Variants in TXNL4A observed in about 807,000 individuals in gnomAD.
TXNL4A encodes thioredoxin-like protein 4A.
TXNL4A carries 17 observed loss-of-function variants against 14.6 expected under a neutral mutation model. The ratio of observed to expected loss-of-function variants is 1.16; its 90% CI spans 0.80 to 1.74. TXNL4A has a LOEUF of 1.74. TXNL4A is among the 40% of genes most tolerant of loss of function. TXNL4A has a pLI of 0.00. For missense variants in TXNL4A, 74 were observed against 195.2 expected (o/e 0.38, Z 3.70); for synonymous variants, 83 against 70.6 (o/e 1.18, Z -0.88).
At chr18:80,009,765 C>T (rs1211292888) in intron 1 of TXNL4A, among the ~76,000 whole-genome samples, 4 of 152,194 alleles carry the variant, frequency 2.6e-5, no homozygotes, top group African/African-American at 9.6e-5. Flanking sequence ...TTTCTTCTCC[C>T]TTGATTCTTC....
chr18:79,988,651 G>A, upstream of TXNL4A: 1 of 318,314 alleles, frequency 3.1e-6, no homozygotes, highest in Non-Finnish European at 5.7e-6. Context: ...TATAGGCGCC[G>A]CGCGAACGTG....
At chr18:80,026,808 C>T (rs371015870) in intron 1 of TXNL4A, among the ~76,000 whole-genome samples, 216 of 152,244 alleles carry the variant, frequency 1.4e-3, no homozygotes, top group African/African-American at 5.1e-3. Context: ...ATCCATAATG[C>T]CGACATATCT....
intron 1 of TXNL4A, among the ~76,000 whole-genome samples, chr18:80,010,163 C>T (rs1346466074): frequency 6.6e-6 from 1 of 152,140 alleles, no homozygotes; most frequent in African/African-American, 2.4e-5. Flanking sequence ...GGAGTACAGA[C>T]ACAAAGGTGA....
In TXNL4A at chr18:79,982,693, G is replaced by A. The variant is rs1166478558; in HGVS notation, c.154-4992C>T. On this transcript the variant is annotated intron_variant, in intron 1 of 2. Transcript: ENST00000269601. This position sits in a 1 kb window ranked among gnomAD's most constrained non-coding sequence, Gnocchi z 4.0. ...CTGAGGAACAGAGGACTTCAGTGTGGACAACTTTCAAAAGCCGTGGCTATG... is the reference window on the plus strand; with the variant it reads ...CTGAGGAACAGAGGACTTCAGTGTGAACAACTTTCAAAAGCCGTGGCTATG... 1.3e-5 allele frequency among the ~76,000 whole-genome samples: 2 copies of A among 152,222 alleles called. No individual in the cohort carries two copies. The highest frequency in any genetic ancestry group is 2.9e-5 in the Non-Finnish European group (2 of 68,040).
Position 79,973,906 on chromosome 18 carries a change from A to G in TXNL4A, c.258-50T>C, listed in dbSNP as rs752489218. On this transcript the variant is annotated intron_variant, in intron 2 of 2. Coordinates refer to ENST00000269601, the MANE Select transcript of TXNL4A (RefSeq NM_006701.5). ...ATTCTCATAGAAGTCTCTTTAAAAA[A>G]GAATTCCTTGAAAACAATGCCGTAT... 17 of 1,592,162 alleles carry G rather than the reference A, an allele frequency of 1.1e-5. No individual in the cohort carries two copies. The East Asian group carries it at 3.8e-4, about 36-fold the overall frequency.
upstream of TXNL4A, among the ~76,000 whole-genome samples, chr18:79,990,886 C>T (rs1009322098): frequency 1.4e-5 from 2 of 142,172 alleles, 1 homozygote; most frequent in South Asian, 4.4e-4. Flanking sequence ...GGGCGGATCA[C>T]GAGGTCAGGA....
chr18:80,026,559 T>G (rs1264006765), intron 1 of TXNL4A, among the ~76,000 whole-genome samples: 1 of 152,230 alleles, frequency 6.6e-6, no homozygotes, highest in Admixed American at 6.5e-5. Context: ...GGCATGACTG[T>G]ATCTCTGACA....
At chr18:80,019,157 G>A (rs919239520) in intron 1 of TXNL4A, among the ~76,000 whole-genome samples, 1 of 152,088 alleles carries the variant, frequency 6.6e-6, no homozygotes, top group Non-Finnish European at 1.5e-5. Context: ...AGCAACACCC[G>A]ACTCTACTGG....
intron 1 of TXNL4A, among the ~76,000 whole-genome samples, chr18:80,007,265 C>T (rs541044172): frequency 3.3e-5 from 5 of 152,288 alleles, no homozygotes; most frequent in Non-Finnish European, 5.9e-5. Context: ...CTGGGAGCAT[C>T]GGCAAGCTAC....
intron 1 of TXNL4A, among the ~76,000 whole-genome samples, chr18:79,994,015 C>G (rs944514217): frequency 6.6e-6 from 1 of 152,162 alleles, no homozygotes; most frequent in Non-Finnish European, 1.5e-5. Context: ...CACACACATC[C>G]CAACTTGGTT....
chr18:79,992,652 A>T (rs1260327550), upstream of TXNL4A, among the ~76,000 whole-genome samples: 2 of 152,276 alleles, frequency 1.3e-5, no homozygotes, highest in South Asian at 4.1e-4. Context: ...TTTGCCCACA[A>T]GGAAATTCCT....
intron 1 of TXNL4A, among the ~76,000 whole-genome samples, chr18:79,996,939 T>G (rs1042193983): frequency 9.2e-5 from 14 of 152,020 alleles, no homozygotes; most frequent in African/African-American, 2.4e-4. Context: ...GGAGACTCCA[T>G]CTCACAAAGA....
chr18:79,986,499 T>C (rs2051550570), intron 1 of TXNL4A: 2 of 865,748 alleles, frequency 2.3e-6, no homozygotes, highest in Non-Finnish European at 2.8e-6. Flanking sequence ...GTGTCCACTA[T>C]GTGTGTCCAC....
At chr18:80,030,831 G>T (rs1463533218) in intron 1 of TXNL4A, among the ~76,000 whole-genome samples, 1 of 152,166 alleles carries the variant, frequency 6.6e-6, no homozygotes, top group African/African-American at 2.4e-5. Context: ...GCCAGGTGTG[G>T]TGGTGCATGC....
intron 1 of TXNL4A, among the ~76,000 whole-genome samples, chr18:80,024,329 TC>T: frequency 6.6e-6 from 1 of 152,326 alleles, no homozygotes; most frequent in African/African-American, 2.4e-5. Context: ...TGGAATTCTG[TC>T]TTGCAAATTC....
Position 79,984,632 on chromosome 18 carries a change from T to C in TXNL4A, c.153+3608A>G, listed in dbSNP as rs188372773. ...CTGAGGAATTTTTTTGTTTTGTTTT[T>C]AGAGATGGGGTCTCGCTCTATCACC... On this transcript the variant is annotated intron_variant, in intron 1 of 2. Transcript: ENST00000269601. Among the ~76,000 whole-genome samples, 17 of 152,324 alleles carry C rather than the reference T, an allele frequency of 1.1e-4. No individual in the cohort carries two copies. The East Asian group carries it at 3.1e-3, about 28-fold the overall frequency.
At chr18:79,987,831 G>T (rs1268419560) in intron 1 of TXNL4A, among the ~76,000 whole-genome samples, 6 of 152,238 alleles carry the variant, frequency 3.9e-5, no homozygotes, top group Admixed American at 6.5e-5. Context: ...CTATGAACAT[G>T]AAAGTCCTGC....
chr18:79,983,464 C>T (rs911104411), intron 1 of TXNL4A, among the ~76,000 whole-genome samples: 2 of 152,206 alleles, frequency 1.3e-5, no homozygotes, highest in Admixed American at 6.5e-5. Context: ...GTTACAATGA[C>T]ATAACTCTGC....
At chr18:80,025,646 TA>T (rs2051879720) in intron 1 of TXNL4A, among the ~76,000 whole-genome samples, 2 of 152,206 alleles carry the variant, frequency 1.3e-5, no homozygotes, top group Non-Finnish European at 2.9e-5. Context: ...GAGTCATAGT[TA>T]AAGAATTTCC....
Sources: gnomAD v4.1 joint callset for allele counts (sites outside exome capture counted in the v4.1 genomes callset) on GRCh38, gnomAD v4.1.1 for gene constraint, Gnocchi (gnomAD v3.1) non-coding constraint, MANE v1.5 for transcripts, NCBI Gene and HGNC (gene_info 2026-07-23, HGNC 2026-07-21) for gene names.